PCCA: variants seen among roughly 807,000 people sequenced by gnomAD.
PCCA encodes the protein propionyl-CoA carboxylase subunit alpha.
A neutral mutation model predicts 101.3 loss-of-function variants in PCCA; 74 were observed. The observed-to-expected ratio is 0.73, with a 90% CI of 0.61 to 0.89. The LOEUF is 0.89. Ranked by LOEUF, PCCA falls within the 40% of genes least tolerant of loss-of-function variation. PCCA has a pLI of 0.00. For missense variants in PCCA, 891 were observed against 907.0 expected, an observed-to-expected ratio of 0.98 and a Z score of 0.23; for synonymous variants, 294 against 313.6, an observed-to-expected ratio of 0.94 and a Z score of 0.66.
chr13:100,180,601 T>C (rs753439930), intron 6 of PCCA, among the ~76,000 whole-genome samples: 1 of 152,192 alleles, frequency 6.6e-6, no homozygotes, highest in Non-Finnish European at 1.5e-5. Context: ...TGTATGTATG[T>C]GGTATTCCAG....
At chr13:100,433,229 C>T (rs1429074311) in intron 20 of PCCA, among the ~76,000 whole-genome samples, 3 of 152,240 alleles carry the variant, frequency 2.0e-5, no homozygotes, top group Non-Finnish European at 1.5e-5. Flanking sequence ...CACCATTTTA[C>T]ATTCCCATTA....
intron 4 of PCCA, among the ~76,000 whole-genome samples, chr13:100,146,661 A>C (rs1430732260): frequency 6.6e-6 from 1 of 152,120 alleles, no homozygotes; most frequent in Non-Finnish European, 1.5e-5. Flanking sequence ...AATAACCAGG[A>C]AAATGCGAAT....
chr13:100,171,149 A>G (rs2055595290), intron 6 of PCCA, among the ~76,000 whole-genome samples: 1 of 152,236 alleles, frequency 6.6e-6, no homozygotes, highest in Non-Finnish European at 1.5e-5. Context: ...GAGATTTGTG[A>G]AAATGTAAAA....
At chr13:100,383,182 G>T (rs908016633) in intron 19 of PCCA, among the ~76,000 whole-genome samples, 1 of 151,842 alleles carries the variant, frequency 6.6e-6, no homozygotes, top group African/African-American at 2.4e-5. Context: ...GTAGTGACAG[G>T]GTTTTCGCCA....
At chr13:100,405,696 G>A (rs1043325101) in intron 19 of PCCA, among the ~76,000 whole-genome samples, 27 of 151,744 alleles carry the variant, frequency 1.8e-4, no homozygotes, top group Non-Finnish European at 3.4e-4. Context: ...AAATACTTGC[G>A]AGTTGGGTGG....
At chr13:100,351,180 G>T (rs1261560839) in intron 18 of PCCA, among the ~76,000 whole-genome samples, 2 of 152,152 alleles carry the variant, frequency 1.3e-5, no homozygotes, top group African/African-American at 4.8e-5. Flanking sequence ...AATGTCAAAA[G>T]ATTAATTTCC....
Position 100,371,478 on chromosome 13 carries a change from G to A in PCCA, c.1746+2904G>A, listed in dbSNP as rs527740501. Among the ~76,000 whole-genome samples the A allele has an allele frequency of 1.6e-4, 24 of 152,230 alleles. No homozygotes were observed. In the South Asian group the frequency reaches 2.5e-3, roughly 16 times the overall value. On this transcript the variant is annotated intron_variant, in intron 19 of 23. Coordinates refer to ENST00000376285, the MANE Select transcript of PCCA (RefSeq NM_000282.4). Reference sequence around the variant, plus strand: ...AAGACTTAATATGGTTAAAATATCAGTACCTCTCAGCTACTTGGAAGGCTG... The same window carrying A: ...AAGACTTAATATGGTTAAAATATCAATACCTCTCAGCTACTTGGAAGGCTG...
intron 15 of PCCA, among the ~76,000 whole-genome samples, chr13:100,307,853 TTTTTA>T (rs1680166796): frequency 6.6e-6 from 1 of 152,172 alleles, no homozygotes; most frequent in Non-Finnish European, 1.5e-5. Flanking sequence ...GTGGATTTTA[TTTTTA>T]TTTTATTATT....
intron 20 of PCCA, among the ~76,000 whole-genome samples, chr13:100,426,059 C>A (rs561370692): frequency 6.6e-6 from 1 of 151,602 alleles, no homozygotes; most frequent in East Asian, 1.9e-4. Flanking sequence ...ATACAACTTA[C>A]TTTGTTACCT....
At chr13:100,348,986 G>A (rs567821785) in intron 18 of PCCA, among the ~76,000 whole-genome samples, 28 of 98,812 alleles carry the variant, frequency 2.8e-4, no homozygotes, top group African/African-American at 8.0e-4. Context: ...TCTCTCATCC[G>A]GGCTGGAGTA....
At chr13:100,163,131 G>A (rs548307036) in intron 6 of PCCA, among the ~76,000 whole-genome samples, 1 of 152,282 alleles carries the variant, frequency 6.6e-6, no homozygotes, top group South Asian at 2.1e-4. Context: ...GATGTAGATA[G>A]GTCAGATACT....
chr13:100,402,246 GTTTT>G (rs1208432370), intron 19 of PCCA, among the ~76,000 whole-genome samples: 2 of 149,818 alleles, frequency 1.3e-5, no homozygotes, highest in Non-Finnish European at 3.0e-5. Flanking sequence ...AGAGTTTTTT[GTTTT>G]TTGTTTTTTG....
intron 21 of PCCA, among the ~76,000 whole-genome samples, chr13:100,513,969 T>C (rs541568852): frequency 1.3e-5 from 2 of 152,320 alleles, no homozygotes; most frequent in African/African-American, 2.4e-5. Flanking sequence ...CCTTCCCCCA[T>C]TGATTTAATG....
chr13:100,232,924 T>C (rs923995243), intron 7 of PCCA, among the ~76,000 whole-genome samples: 1 of 152,238 alleles, frequency 6.6e-6, no homozygotes, highest in African/African-American at 2.4e-5. Context: ...TGAATTAATG[T>C]ATAAGTGGTT....
chr13:100,255,571 T>C (rs1314429672), intron 8 of PCCA, among the ~76,000 whole-genome samples: 1 of 152,152 alleles, frequency 6.6e-6, no homozygotes, highest in Non-Finnish European at 1.5e-5. Context: ...ATTGATAAAA[T>C]ATTTTTTTGA....
intron 20 of PCCA, among the ~76,000 whole-genome samples, chr13:100,427,279 G>A (rs961413371): frequency 6.6e-6 from 1 of 152,178 alleles, no homozygotes; most frequent in South Asian, 2.1e-4. Flanking sequence ...GTTTATGTTC[G>A]ATAGACTGTA....
chr13:100,314,783 A>G (rs2067195689), intron 16 of PCCA, among the ~76,000 whole-genome samples: 1 of 152,240 alleles, frequency 6.6e-6, no homozygotes, highest in South Asian at 2.1e-4. Flanking sequence ...CAACTTATGT[A>G]GATCAAAGGA....
At position 100,394,168 on chromosome 13, in the gene PCCA, T is replaced by C. The variant is rs973804356; in HGVS notation, c.1746+25594T>C. Among the ~76,000 whole-genome samples the C allele has an allele frequency of 6.6e-6, 1 of 152,212 alleles. No individual in the cohort carries two copies. Among genetic ancestry groups the C allele is most frequent in the African/African-American group, 2.4e-5 (1 of 41,456 alleles). On this transcript the variant is annotated intron_variant, in intron 19 of 23. Transcript: ENST00000376285. This position sits in a 1 kb window ranked among gnomAD's most constrained non-coding sequence, Gnocchi z 4.3. ...ATGCAGCTTCTCAGATGGATTTAAT[T>C]AGTCCTTCGTAGAACTGGATGTCCG...
intron 18 of PCCA, among the ~76,000 whole-genome samples, chr13:100,364,020 G>C (rs2074918957): frequency 1.3e-5 from 2 of 152,290 alleles, no homozygotes; most frequent in South Asian, 4.1e-4. Flanking sequence ...GGACAGACCT[G>C]GGTTAGAGCT....
Sources: gnomAD v4.1 joint callset for allele counts (sites outside exome capture counted in the v4.1 genomes callset) on GRCh38, gnomAD v4.1.1 for gene constraint, Gnocchi (gnomAD v3.1) non-coding constraint, MANE v1.5 for transcripts, NCBI Gene and HGNC (gene_info 2026-07-23, HGNC 2026-07-21) for gene names.